The following DNAJA1 variants were observed in gnomAD, a reference collection of about 807,000 sequenced individuals.
DNAJA1 encodes the protein DnaJ heat shock protein family (Hsp40) member A1.
Under a neutral mutation model 47.6 loss-of-function variants are expected in DNAJA1, and 26 were observed. That is an observed-to-expected ratio of 0.55 (90% CI 0.40 to 0.76). The LOEUF (loss-of-function observed/expected upper bound fraction) is 0.76. Ranked by LOEUF, DNAJA1 falls within the 30% of genes least tolerant of loss-of-function variation. The probability of loss-of-function intolerance (pLI) is 0.00; values close to 1 mark genes in which losing one functional copy is unlikely to be tolerated. For missense variants in DNAJA1, 315 were observed against 485.0 expected, an observed-to-expected ratio of 0.65 and a Z score of 3.29; for synonymous variants, 165 against 158.4, an observed-to-expected ratio of 1.04 and a Z score of -0.31.
chr9:33,030,312 CAG>C, intron 4 of DNAJA1, 126 bp from the exon 5 acceptor site: 1 of 833,264 alleles, frequency 1.2e-6, no homozygotes, highest in South Asian at 1.8e-5. Context: ...GTTGTACATT[CAG>C]AGGGTAGCAT....
Position 33,026,520 on chromosome 9 carries a change from G to C in DNAJA1, c.36G>C (p.Gly12=). ...AAACAACTTACTACGATGTTTTGGGGGTCAAACCCAATGCTACTCAGGAAG... is the reference window on the plus strand; with the variant it reads ...AAACAACTTACTACGATGTTTTGGGCGTCAAACCCAATGCTACTCAGGAAG... ...VKETTYYDVL[G]VKPNATQEEL... Residue 12 remains glycine, a synonymous_variant, in exon 2 of 9, where the codon GGG becomes GGC. Coordinates refer to ENST00000330899, the MANE Select transcript of DNAJA1 (RefSeq NM_001539.4). 2 of 1,610,330 alleles carry C rather than the reference G, an allele frequency of 1.2e-6. No individual in the cohort carries two copies. The highest frequency in any genetic ancestry group is 1.1e-5 in the South Asian group (1 of 89,930).
chr9:33,037,276 C>G, intron 8 of DNAJA1, 161 bp downstream of exon 8: 4 of 450,552 alleles, frequency 8.9e-6, no homozygotes, highest in Admixed American at 4.0e-5. Flanking sequence ...GTTTTGAGAA[C>G]AGCCTGGGCA....
At chr9:33,031,491 A>G (rs1256782405) in intron 5 of DNAJA1, among the ~76,000 whole-genome samples, 1 of 151,820 alleles carries the variant, frequency 6.6e-6, no homozygotes, top group East Asian at 1.9e-4. Context: ...GAGTGCAGTG[A>G]TGCGATCTTG....
In DNAJA1 at chr9:33,034,429, C is replaced by T. The variant is rs77584150; in HGVS notation, c.758+99C>T. On this transcript the variant is annotated intron_variant, in intron 6 of 8. Coordinates refer to ENST00000330899, the MANE Select transcript of DNAJA1 (RefSeq NM_001539.4). The stretch of plus-strand genomic sequence containing the variant: ...TTTTTTTAAAGTGTTTTCCATTACT[C>T]TTAGAACCTATTTCTCAGGAAGATT... 606 of 801,478 alleles carry T rather than the reference C, an allele frequency of 7.6e-4. 3 individuals carry two copies. In the African/African-American group the frequency reaches 9.8e-3, roughly 13 times the overall value. 49.6% of individuals were successfully genotyped at this position (801,478 alleles called of 1,614,324 possible).
At position 33,039,386 on chromosome 9, in the gene DNAJA1, T is replaced by C. The variant is rs1839084660; in HGVS notation, c.*483T>C. 1 of 152,620 alleles carries C rather than the reference T, an allele frequency of 6.6e-6. No individual in the cohort carries two copies. The highest frequency in any genetic ancestry group is 1.5e-5 in the Non-Finnish European group (1 of 68,474). The allele number at this position is 152,620 out of a possible 1,614,324, so 9.5% of individuals were successfully genotyped here. On this transcript the variant is annotated 3_prime_UTR_variant, in exon 9 of 9. Transcript: ENST00000330899. ...ATGCCTCTGCATTTATTCTGTTGCCTCAGCTGTTACTTGAAGATGGCGTAA... is the reference window on the plus strand; with the variant it reads ...ATGCCTCTGCATTTATTCTGTTGCCCCAGCTGTTACTTGAAGATGGCGTAA...
chr9:33,034,338 C>CTTT lies in DNAJA1; in HGVS notation c.758+10_758+12dup. 1 of 1,590,448 alleles carries CTTT rather than the reference C, an allele frequency of 6.3e-7. No homozygotes were observed. The highest frequency in any genetic ancestry group is 8.6e-7 in the Non-Finnish European group (1 of 1,167,656). ...CCATGCTGTTTTTACTCGGTAAAGA[C>CTTT]TTTTATCAACCACTCAAATTGATAT... On this transcript the variant is annotated intron_variant, in intron 6 of 8. Transcript: ENST00000330899.
In DNAJA1 at chr9:33,038,920, A is replaced by G; in HGVS notation, c.*17A>G. 2 of 1,597,394 alleles carry G rather than the reference A, an allele frequency of 1.3e-6. No individual in the cohort carries two copies. The highest frequency in any genetic ancestry group is 1.7e-6 in the Non-Finnish European group (2 of 1,170,692). On this transcript the variant is annotated 3_prime_UTR_variant, in exon 9 of 9. Transcript: ENST00000330899. ...ACCTCTTAATGGGCCAGTGAATAACACTCACTGCTGGCATTTAATGTGCAG... is the reference window on the plus strand; with the variant it reads ...ACCTCTTAATGGGCCAGTGAATAACGCTCACTGCTGGCATTTAATGTGCAG...
At position 33,039,536 on chromosome 9, in the gene DNAJA1, C is replaced by CATATATATATAT. The variant is rs201643498; in HGVS notation, c.*644_*645insTATATATATATA. The stretch of plus-strand genomic sequence containing the variant: ...TTGTGTTTCCTTCTGCTGTGCCATT[C>CATATATATATAT]ATATATATATACATATATATATATA... On this transcript the variant is annotated 3_prime_UTR_variant, in exon 9 of 9. Transcript: ENST00000330899. 964 of 113,878 alleles carry CATATATATATAT rather than the reference C, an allele frequency of 8.5e-3. 75 individuals carry two copies. Among genetic ancestry groups the CATATATATATAT allele is most frequent in the African/African-American group, 0.012 (427 of 34,248 alleles). The allele number at this position is 113,878 out of a possible 1,614,324, so 7.1% of individuals were successfully genotyped here.
At chr9:33,038,192 C>T (rs954881043) in intron 8 of DNAJA1, among the ~76,000 whole-genome samples, 4 of 152,006 alleles carry the variant, frequency 2.6e-5, no homozygotes, top group Admixed American at 6.6e-5. Context: ...TGGGGTTTCA[C>T]CATATTGGCC....
intron 4 of DNAJA1, 131 bp from the exon 5 acceptor site, chr9:33,030,309 A>T: frequency 1.2e-6 from 1 of 817,904 alleles, no homozygotes; most frequent in Non-Finnish European, 1.9e-6. Context: ...TCAGTTGTAC[A>T]TTCAGAGGGT....
At chr9:33,034,139 C>A in intron 5 of DNAJA1, 77 bp from the exon 6 acceptor site, 1 of 989,644 alleles carries the variant, frequency 1.0e-6, no homozygotes. Context: ...CATAAACAAA[C>A]ATCTATGTAT....
At chr9:33,030,255 G>C (rs1838939891) in intron 4 of DNAJA1, among the ~76,000 whole-genome samples, 185 bp from the exon 5 acceptor site, 2 of 149,738 alleles carry the variant, frequency 1.3e-5, no homozygotes, top group South Asian at 4.2e-4. Flanking sequence ...AAATTTATTG[G>C]AAAGTGTGTT....
chr9:33,031,199 C>G (rs1838956392), intron 5 of DNAJA1, among the ~76,000 whole-genome samples: 1 of 152,188 alleles, frequency 6.6e-6, no homozygotes, highest in African/African-American at 2.4e-5. Context: ...CGGGTTCAAG[C>G]AGTTCTTCTG....
chr9:33,036,576 G>A lies in DNAJA1; in HGVS notation c.761G>A (p.Arg254Gln), dbSNP rs376475903. Residue 254 changes from arginine to glutamine, a missense_variant and splice_region_variant, in exon 7 of 9, where the codon CGA (arginine) becomes CAA (glutamine). Physicochemically the swap from Arg to Gln is conservative, Grantham distance 43 (BLOSUM62 1). Transcript: ENST00000330899. ...DQKDHAVFTR[R>Q]GEDLFMCMDI... ...AATATGTGTCATATTTTATGCAGAC[G>A]AGGAGAAGACCTTTTCATGTGTATG... The A allele has an allele frequency of 4.4e-6, 7 of 1,600,602 alleles. No homozygotes were observed. Among genetic ancestry groups the A allele is most frequent in the African/African-American group, 2.7e-5 (2 of 74,360 alleles).
chr9:33,029,981 A>G lies in DNAJA1; in HGVS notation c.407A>G (p.Lys136Arg). ...CTGCAAAAGAATGTGATTTGTGACA[A>G]ATGTGAAGGTACGGTGTTTTTTTGT... ...LALQKNVICD[K>R]CEGRGGKKGA... The change falls in exon 4 of 9, where the codon AAA becomes AGA. Residue 136 changes from lysine (K) to arginine (R), a missense_variant. This residue lies in a region of DNAJA1 where 100 missense variants were observed against 163.0 expected (regional missense o/e 0.61). Transcript: ENST00000330899. 2 of 1,612,770 alleles carry G rather than the reference A, an allele frequency of 1.2e-6. No homozygotes were observed. The highest frequency in any genetic ancestry group is 2.2e-5 in the East Asian group (1 of 44,822).
chr9:33,025,300 A>C lies in DNAJA1; in HGVS notation c.-94A>C, dbSNP rs1485543291. 2 of 152,322 alleles carry C rather than the reference A, an allele frequency of 1.3e-5. No homozygotes were observed. The highest frequency in any genetic ancestry group is 4.8e-5 in the African/African-American group (2 of 41,382). 9.4% of individuals were successfully genotyped at this position (152,322 alleles called of 1,614,324 possible). Reference sequence around the variant, plus strand: ...GGAACTTTCCAGAACGCTCGGTGAGAGGCGGAGGAGCGGTAACTACCCCGG... The same window carrying C: ...GGAACTTTCCAGAACGCTCGGTGAGCGGCGGAGGAGCGGTAACTACCCCGG... On this transcript the variant is annotated 5_prime_UTR_variant, in exon 1 of 9. Coordinates refer to ENST00000330899, the MANE Select transcript of DNAJA1 (RefSeq NM_001539.4).
In DNAJA1 at chr9:33,026,477, A is replaced by C. The variant is rs774536013; in HGVS notation, c.-8A>C. ...AAAGTTGCATTTTCTTATTTCAGGC[A>C]GTAGAAGATGGTGAAAGAAACAACT... is the stretch of plus-strand genomic sequence containing the variant. On this transcript the variant is annotated splice_region_variant and 5_prime_UTR_variant, in exon 2 of 9. Coordinates refer to ENST00000330899, the MANE Select transcript of DNAJA1 (RefSeq NM_001539.4). The C allele has an allele frequency of 1.9e-6, 3 of 1,600,566 alleles. No homozygotes were observed. The Admixed American group carries it at 5.4e-5, about 29-fold the overall frequency.
intron 5 of DNAJA1, among the ~76,000 whole-genome samples, chr9:33,031,050 T>C (rs1838953445): frequency 6.6e-6 from 1 of 152,236 alleles, no homozygotes; most frequent in Non-Finnish European, 1.5e-5. Context: ...GGCATACTTT[T>C]AAGGATTTGA....
chr9:33,037,897 G>C (rs1298628787), intron 8 of DNAJA1, among the ~76,000 whole-genome samples: 2 of 152,040 alleles, frequency 1.3e-5, no homozygotes, highest in Admixed American at 6.6e-5. Flanking sequence ...CAGATTTCTT[G>C]GCAAAATAGT....
Sources: allele counts gnomAD v4.1 joint callset (sites outside exome capture counted in the v4.1 genomes callset), GRCh38; gene constraint gnomAD v4.1.1; regional missense constraint gnomAD v4.1.1; transcripts MANE v1.5; gene names NCBI Gene and HGNC (gene_info 2026-07-23, HGNC 2026-07-21).